The following HPSE2 variants were observed in gnomAD, a reference collection of about 807,000 sequenced individuals.
HPSE2 encodes the protein inactive heparanase-2.
In HPSE2, 38 loss-of-function variants were observed where a neutral mutation model predicts 60.5. That is an observed-to-expected ratio of 0.63 (90% CI 0.48 to 0.82). The LOEUF is 0.82. Among genes scored for constraint, HPSE2 ranks in the 40% least tolerant of loss-of-function variants. The probability of loss-of-function intolerance (pLI) is 0.00; values close to 1 mark genes in which losing one functional copy is unlikely to be tolerated. For synonymous variants in HPSE2, 295 were observed against 293.2 expected (o/e 1.01, Z -0.06); for missense variants, 713 against 740.4 (o/e 0.96, Z 0.43).
At chr10:98,983,669 C>T (rs754970398) in intron 3 of HPSE2, among the ~76,000 whole-genome samples, 23 of 152,248 alleles carry the variant, frequency 1.5e-4, no homozygotes, top group Middle Eastern at 3.4e-3. Flanking sequence ...GCTCAAACTT[C>T]GGCGTGAGCC....
intron 3 of HPSE2, among the ~76,000 whole-genome samples, chr10:99,075,551 T>C (rs539377584): frequency 4.6e-5 from 7 of 152,282 alleles, no homozygotes; most frequent in African/African-American, 1.7e-4. Context: ...ATTTGGTCTA[T>C]AGTGTTTTTC....
chr10:99,273,936 C>G, the HPSE2 span, among the ~76,000 whole-genome samples: 1 of 152,212 alleles, frequency 6.6e-6, no homozygotes, highest in Non-Finnish European at 1.5e-5. Flanking sequence ...TTTCTAAGAT[C>G]CAGTCTGAAA....
At position 98,808,276 on chromosome 10, in the gene HPSE2, C is replaced by G. The variant is rs144055884; in HGVS notation, c.611-64220G>C. Reference sequence around the variant, plus strand: ...AAACCCTCTGTTTCTGTTGATGATGCCATCACTCCTGTGTCAGACTGTCTT... The same window carrying G: ...AAACCCTCTGTTTCTGTTGATGATGGCATCACTCCTGTGTCAGACTGTCTT... On this transcript the variant is annotated intron_variant, in intron 3 of 11. Transcript: ENST00000370552. Among the ~76,000 whole-genome samples the G allele has an allele frequency of 4.6e-5, 7 of 152,268 alleles. No homozygotes were observed. The East Asian group carries it at 1.4e-3, about 29-fold the overall frequency.
At chr10:98,634,861 T>TACCCTAAG (rs1423622281) in intron 7 of HPSE2, among the ~76,000 whole-genome samples, 1 of 152,220 alleles carries the variant, frequency 6.6e-6, no homozygotes, top group Non-Finnish European at 1.5e-5. Flanking sequence ...TCTCTGATCA[T>TACCCTAAG]ACCCTAAGAA....
At chr10:98,497,542 A>T (rs1294169341) in intron 9 of HPSE2, among the ~76,000 whole-genome samples, 6 of 152,184 alleles carry the variant, frequency 3.9e-5, no homozygotes, top group African/African-American at 1.2e-4. Flanking sequence ...TACAGATTCA[A>T]GTCTATTTCA....
rs1213146388 is a variant in HPSE2, at chr10:98,558,466, G to T, written c.1320+56438C>A. 2.0e-5 allele frequency among the ~76,000 whole-genome samples: 3 copies of T among 152,174 alleles called. No homozygotes were observed. The East Asian group carries it at 5.8e-4, about 29-fold the overall frequency. The stretch of plus-strand genomic sequence containing the variant: ...ATCCACAACTATACCCAAAAATATG[G>T]ATGCTTCCCACAAATATAATGTTGA... On this transcript the variant is annotated intron_variant, in intron 9 of 11. Coordinates refer to ENST00000370552, the MANE Select transcript of HPSE2 (RefSeq NM_021828.5).
intron 4 of HPSE2, among the ~76,000 whole-genome samples, chr10:98,740,282 C>T (rs1245208414): frequency 6.6e-6 from 1 of 151,638 alleles, no homozygotes; most frequent in Non-Finnish European, 1.5e-5. Flanking sequence ...CTCAAGTGAC[C>T]CTCCAGCCTC....
chr10:99,038,523 G>A (rs1957661970), intron 3 of HPSE2, among the ~76,000 whole-genome samples: 1 of 152,132 alleles, frequency 6.6e-6, no homozygotes, highest in African/African-American at 2.4e-5. Context: ...TTGGGGGGAA[G>A]CAAAGAAGTA....
chr10:98,715,714 T>C (rs1045655638), intron 5 of HPSE2, among the ~76,000 whole-genome samples: 11 of 152,202 alleles, frequency 7.2e-5, no homozygotes, highest in African/African-American at 2.6e-4. Context: ...TGTATATACC[T>C]TAATTCAAAA....
In HPSE2 at chr10:98,619,875, C is replaced by G. The variant is rs34229182; in HGVS notation, c.1205+727G>C. Among the ~76,000 whole-genome samples, 477 of 152,214 alleles carry G rather than the reference C, an allele frequency of 3.1e-3. 2 individuals are homozygous for G. Among genetic ancestry groups the G allele is most frequent in the Non-Finnish European group, 5.9e-3 (404 of 68,004 alleles). ...TGTCATTTTTCTTTTGTAGACAGAC[C>G]ATGTGAGGAAGAAAGGCAGGTGGTC... On this transcript the variant is annotated intron_variant, in intron 8 of 11. Transcript: ENST00000370552.
intron 6 of HPSE2, among the ~76,000 whole-genome samples, chr10:98,649,737 A>C (rs1356357948): frequency 6.6e-6 from 1 of 152,228 alleles, no homozygotes. Flanking sequence ...AAAGTTTTTC[A>C]AAGTGTTTTA....
At chr10:98,754,172 G>A (rs910610685) in intron 3 of HPSE2, among the ~76,000 whole-genome samples, 1 of 152,142 alleles carries the variant, frequency 6.6e-6, no homozygotes, top group Non-Finnish European at 1.5e-5. Context: ...AAACTGATCT[G>A]ATAGAGTTGA....
At chr10:98,965,952 C>T (rs754424547) in intron 3 of HPSE2, among the ~76,000 whole-genome samples, 10 of 151,616 alleles carry the variant, frequency 6.6e-5, no homozygotes, top group East Asian at 1.9e-4. Flanking sequence ...TGCAGTGGCG[C>T]GAATCTGGGC....
intron 3 of HPSE2, among the ~76,000 whole-genome samples, chr10:98,802,429 C>G (rs1036623554): frequency 3.3e-5 from 5 of 150,366 alleles, no homozygotes; most frequent in African/African-American, 1.2e-4. Context: ...ATTAACTCGT[C>G]ATTTAGCATT....
intron 9 of HPSE2, among the ~76,000 whole-genome samples, chr10:98,572,781 A>G (rs1187622066): frequency 6.6e-6 from 1 of 152,154 alleles, no homozygotes; most frequent in Non-Finnish European, 1.5e-5. Context: ...CCTGTGTGAA[A>G]TCCCCCCAAC....
chr10:98,470,102 G>GGTGTGTGT (rs55762346), intron 11 of HPSE2, among the ~76,000 whole-genome samples: 6,857 of 150,346 alleles, frequency 0.046, 163 homozygotes, highest in African/African-American at 0.068. Flanking sequence ...TAGGAAGGCA[G>GGTGTGTGT]GTGTGTGTGT....
chr10:99,292,378 T>A, the HPSE2 span, among the ~76,000 whole-genome samples: 2 of 152,160 alleles, frequency 1.3e-5, no homozygotes, highest in South Asian at 4.1e-4. Context: ...ACTCAAAACA[T>A]TAAAATGCAC....
the HPSE2 span, among the ~76,000 whole-genome samples, chr10:99,304,037 A>T: frequency 6.6e-6 from 1 of 152,176 alleles, no homozygotes; most frequent in East Asian, 1.9e-4. Flanking sequence ...CTATGCCCAT[A>T]AGCTCAGCAG....
intron 2 of HPSE2, among the ~76,000 whole-genome samples, chr10:99,181,963 AC>A (rs1273714317): frequency 6.6e-6 from 1 of 152,220 alleles, no homozygotes; most frequent in Non-Finnish European, 1.5e-5. Flanking sequence ...ACGTAAGACC[AC>A]AATGAAAAGG....
Sources: gnomAD v4.1 joint callset for allele counts (sites outside exome capture counted in the v4.1 genomes callset) on GRCh38, gnomAD v4.1.1 for gene constraint, MANE v1.5 for transcripts, NCBI Gene and HGNC (gene_info 2026-07-23, HGNC 2026-07-21) for gene names.